SNTG2: variants seen among roughly 807,000 people sequenced by gnomAD.
SNTG2 encodes gamma-2-syntrophin.
A neutral mutation model predicts 70.9 loss-of-function variants in SNTG2; 74 were observed. That is an observed-to-expected ratio of 1.04 (90% CI 0.86 to 1.27). The LOEUF is 1.27. SNTG2 is among the 50% of genes most tolerant of loss of function. The probability of loss-of-function intolerance (pLI) is 0.00; values close to 1 mark genes in which losing one functional copy is unlikely to be tolerated. For missense variants in SNTG2, 717 were observed against 690.7 expected (o/e 1.04, Z -0.43); for synonymous variants, 278 against 273.8 (o/e 1.02, Z -0.15).
rs143288984 is a variant in SNTG2, at chr2:978,038, G to A, written c.72+26970G>A. Among the ~76,000 whole-genome samples the A allele has an allele frequency of 4.6e-5, 7 of 152,294 alleles. No homozygotes were observed. In the East Asian group the frequency reaches 7.7e-4, roughly 17 times the overall value. Reference sequence around the variant, plus strand: ...TTCTCTTGTATATTTATTCATACTTGTTTCCTTGTTTATTGTGTGTGACCC... The same window carrying A: ...TTCTCTTGTATATTTATTCATACTTATTTCCTTGTTTATTGTGTGTGACCC... On this transcript the variant is annotated intron_variant, in intron 1 of 16. Transcript: ENST00000308624.
In SNTG2 at chr2:1,311,277, C is replaced by T. The variant is rs562936034; in HGVS notation, c.1377+2691C>T. Among the ~76,000 whole-genome samples the T allele has an allele frequency of 2.0e-5, 3 of 152,326 alleles. No individual in the cohort carries two copies. In the East Asian group the frequency reaches 5.8e-4, roughly 29 times the overall value. ...ACCTATTTTCCTTTGAAGGAGAGCACTTGACCTCACATTTTTCTCGTGATT... is the reference window on the plus strand; with the variant it reads ...ACCTATTTTCCTTTGAAGGAGAGCATTTGACCTCACATTTTTCTCGTGATT... On this transcript the variant is annotated intron_variant, in intron 15 of 16. Coordinates refer to ENST00000308624, the MANE Select transcript of SNTG2 (RefSeq NM_018968.4).
At chr2:1,232,838 G>A (rs1238101643) in intron 9 of SNTG2, among the ~76,000 whole-genome samples, 4 of 152,010 alleles carry the variant, frequency 2.6e-5, no homozygotes, top group East Asian at 1.9e-4. Flanking sequence ...TTTTTGTCTC[G>A]AGTACTCGTA....
At chr2:1,255,873 A>AAT (rs55737102) in intron 12 of SNTG2, among the ~76,000 whole-genome samples, 3 of 26,220 alleles carry the variant, frequency 1.1e-4, no homozygotes, top group African/African-American at 4.6e-4. Context: ...AATATATATA[A>AAT]ATATATATAT....
intron 10 of SNTG2, among the ~76,000 whole-genome samples, chr2:1,238,839 C>CCCA (rs1359509953): frequency 6.6e-6 from 1 of 152,224 alleles, no homozygotes; most frequent in South Asian, 2.1e-4. Flanking sequence ...CCAGGCGTGG[C>CCCA]CCACCCTGCG....
chr2:984,830 A>G (rs2147971336), intron 1 of SNTG2, among the ~76,000 whole-genome samples: 1 of 152,296 alleles, frequency 6.6e-6, no homozygotes, highest in Middle Eastern at 3.4e-3. Context: ...CAGTTCCTGA[A>G]CCCAGACCTT....
chr2:1,363,469 T>G (rs888396545), intron 16 of SNTG2, among the ~76,000 whole-genome samples: 1 of 152,176 alleles, frequency 6.6e-6, no homozygotes, highest in South Asian at 2.1e-4. Flanking sequence ...TGTATTAGGC[T>G]GACACTCCCT....
intron 1 of SNTG2, among the ~76,000 whole-genome samples, chr2:1,017,712 G>A (rs930978835): frequency 5.9e-5 from 9 of 152,198 alleles, no homozygotes; most frequent in South Asian, 2.1e-4. Flanking sequence ...AAGAGTTACC[G>A]TATCTTCTTT....
intron 9 of SNTG2, among the ~76,000 whole-genome samples, chr2:1,216,844 C>T (rs955771233): frequency 1.3e-5 from 2 of 152,080 alleles, no homozygotes; most frequent in Non-Finnish European, 2.9e-5. Context: ...GGGGGTAGTT[C>T]CCCCATGTTG....
At chr2:1,168,060 C>T (rs1268979747) in intron 7 of SNTG2, among the ~76,000 whole-genome samples, 4 of 134,914 alleles carry the variant, frequency 3.0e-5, no homozygotes, top group Admixed American at 2.9e-4. Flanking sequence ...TACAGGCCGC[C>T]CACAGACGGC....
intron 8 of SNTG2, among the ~76,000 whole-genome samples, chr2:1,192,858 A>T (rs989147287): frequency 6.6e-6 from 1 of 152,194 alleles, no homozygotes; most frequent in Non-Finnish European, 1.5e-5. Context: ...TCACTGTCAG[A>T]TTTATGGCAG....
intron 1 of SNTG2, among the ~76,000 whole-genome samples, chr2:1,036,010 T>A (rs4072384): frequency 0.44 from 66,488 of 152,042 alleles, 15,645 homozygotes; most frequent in African/African-American, 0.61. Flanking sequence ...TTCTGTAACC[T>A]TGTTAAATGG....
intron 14 of SNTG2, among the ~76,000 whole-genome samples, chr2:1,272,107 G>A (rs1483284820): frequency 2.6e-5 from 4 of 151,982 alleles, no homozygotes; most frequent in Non-Finnish European, 5.9e-5. Flanking sequence ...GATGATTCAA[G>A]CACATTACAT....
rs1681278265 is a variant in SNTG2 at position 1,316,355 on chromosome 2, A to G, written c.1468A>G (p.Thr490Ala). 6.5e-7 allele frequency: 1 copy of G among 1,540,738 alleles called. No individual in the cohort carries two copies. ...AAAGCTGCTGTTTCAGAATCTGGAC[A>G]CCAAACAGATTGAGACGAAGGTATG... Reference protein sequence around the residue: ...RVKLLFQNLDTKQIETKELEF... With the variant: ...RVKLLFQNLDAKQIETKELEF... The change falls in exon 16 of 17, where the codon ACC becomes GCC. Residue 490 changes from threonine (T) to alanine (A), a missense_variant. Thr to Ala is a moderately conservative substitution (Grantham distance 58). Coordinates refer to ENST00000308624, the MANE Select transcript of SNTG2 (RefSeq NM_018968.4).
chr2:1,253,023 A>G (rs892778967), intron 12 of SNTG2, among the ~76,000 whole-genome samples: 1 of 152,204 alleles, frequency 6.6e-6, no homozygotes, highest in African/African-American at 2.4e-5. Context: ...AGGTTTTAAC[A>G]TCAGTATCTT....
At chr2:1,283,311 A>G (rs1047070223) in intron 14 of SNTG2, among the ~76,000 whole-genome samples, 1 of 152,086 alleles carries the variant, frequency 6.6e-6, no homozygotes, top group African/African-American at 2.4e-5. Context: ...GACCCCTGCC[A>G]ATCCGGCTGC....
chr2:1,172,061 G>C (rs1671163124), intron 7 of SNTG2, among the ~76,000 whole-genome samples: 1 of 152,190 alleles, frequency 6.6e-6, no homozygotes, highest in South Asian at 2.1e-4. Context: ...GCTTTCTTCA[G>C]CTTCACAGGG....
chr2:1,238,324 A>T (rs895362624), intron 10 of SNTG2, among the ~76,000 whole-genome samples: 1 of 152,074 alleles, frequency 6.6e-6, no homozygotes, highest in Admixed American at 6.5e-5. Flanking sequence ...ATACAGAAAT[A>T]GTTATATGTC....
At chr2:963,442 G>A (rs928867836) in intron 1 of SNTG2, among the ~76,000 whole-genome samples, 5 of 152,068 alleles carry the variant, frequency 3.3e-5, no homozygotes, top group African/African-American at 9.7e-5. Context: ...TTAGGAAGGC[G>A]AGCAAGTCAG....
chr2:1,160,856 C>T (rs1353177738), intron 6 of SNTG2: 1 of 152,338 alleles, frequency 6.6e-6, no homozygotes, highest in African/African-American at 2.4e-5. Context: ...CTCCCAGCCT[C>T]TGGAATTCCG....
Sources: allele counts gnomAD v4.1 joint callset (sites outside exome capture counted in the v4.1 genomes callset), GRCh38; gene constraint gnomAD v4.1.1; transcripts MANE v1.5; gene names NCBI Gene and HGNC (gene_info 2026-07-23, HGNC 2026-07-21).